ACTN2: variants seen among roughly 807,000 people sequenced by gnomAD.
ACTN2 encodes alpha-actinin-2.
ACTN2 carries 39 observed loss-of-function variants against 113.8 expected under a neutral mutation model. The ratio of observed to expected loss-of-function variants is 0.34; its 90% CI spans 0.27 to 0.45. The LOEUF (loss-of-function observed/expected upper bound fraction) is 0.45. ACTN2 is among the 20% of genes least tolerant of loss of function. The pLI, the probability that ACTN2 is intolerant of heterozygous loss-of-function variation, is 1.00. For missense variants in ACTN2, 992 were observed against 1,177.9 expected (o/e 0.84, Z 2.31); for synonymous variants, 429 against 444.1 (o/e 0.97, Z 0.43).
intron 14 of ACTN2, among the ~76,000 whole-genome samples, chr1:236,751,037 C>T (rs1227079909): frequency 7.1e-6 from 1 of 140,820 alleles, no homozygotes; most frequent in South Asian, 2.3e-4. Context: ...CTGCAGTGAG[C>T]CATGATTGCA....
At chr1:236,693,177 G>GCAAA (rs1553296432) in intron 1 of ACTN2, among the ~76,000 whole-genome samples, 1 of 149,038 alleles carries the variant, frequency 6.7e-6, no homozygotes, top group East Asian at 2.0e-4. Context: ...CTGCACACAT[G>GCAAA]CACACACACA....
Position 236,763,095 on chromosome 1 carries a change from T to C in ACTN2, c.*476T>C, listed in dbSNP as rs919315850. On this transcript the variant is annotated 3_prime_UTR_variant, in exon 21 of 21. Transcript: ENST00000366578. ...TAGGGGAGTATATTTGGGATTCTAA[T>C]GTTTTATTTTCATGCTTATCCAAAG... 5.6e-6 allele frequency: 1 copy of C among 178,630 alleles called. No homozygotes were observed. The highest frequency in any genetic ancestry group is 1.2e-5 in the Non-Finnish European group (1 of 82,948). 11.1% of individuals were successfully genotyped at this position (178,630 alleles called of 1,614,324 possible). A position where few individuals can be genotyped will look rare whatever the true frequency, so the allele number is the denominator to read the frequency against.
Position 236,718,874 on chromosome 1 carries a change from A to G in ACTN2, c.242-20A>G, listed in dbSNP as rs777728987. 6.2e-7 allele frequency: 1 copy of G among 1,614,126 alleles called. No homozygotes were observed. The highest frequency in any genetic ancestry group is 1.1e-5 in the South Asian group (1 of 91,080). ...AGGTCACTGTCTCTATGTCTGCATG[A>G]TTCTCTTTTCATCCAACAGGGGAAA... On this transcript the variant is annotated intron_variant, in intron 2 of 20. Transcript: ENST00000366578.
chr1:236,721,016 T>TCTGACTCTGG (rs1558233423), intron 4 of ACTN2, among the ~76,000 whole-genome samples: 3 of 46,084 alleles, frequency 6.5e-5, no homozygotes, highest in Non-Finnish European at 1.3e-4. Flanking sequence ...CTGGTTTTTG[T>TCTGACTCTGG]TTTTTGTTTT....
intron 1 of ACTN2, among the ~76,000 whole-genome samples, chr1:236,711,377 G>T (rs1027776423): frequency 2.6e-5 from 4 of 152,088 alleles, no homozygotes; most frequent in African/African-American, 9.7e-5. Flanking sequence ...TTGCGACAGA[G>T]GCTCACTCTG....
intron 1 of ACTN2, among the ~76,000 whole-genome samples, chr1:236,701,935 T>C (rs1657689405): frequency 6.6e-6 from 1 of 152,266 alleles, no homozygotes; most frequent in Middle Eastern, 3.4e-3. Flanking sequence ...AAGAACTTGG[T>C]AGGGAAGCAG....
Position 236,762,494 on chromosome 1 carries a change from C to G in ACTN2, c.2560C>G (p.Leu854Val). Residue 854 changes from leucine to valine, a missense_variant, in exon 21 of 21, where the codon CTG (leucine) becomes GTG (valine). Coordinates refer to ENST00000366578, the MANE Select transcript of ACTN2 (RefSeq NM_001103.4). ...YILAEELRRE[L>V]PPDQAQYCIK... ...CCTGGCGGAGGAGCTGCGTCGGGAG[C>G]TGCCCCCGGATCAGGCCCAGTACTG... 2 of 1,614,162 alleles carry G rather than the reference C, an allele frequency of 1.2e-6. No homozygotes were observed. The highest frequency in any genetic ancestry group is 2.2e-5 in the South Asian group (2 of 91,076).
chr1:236,737,192 A>C lies in ACTN2; in HGVS notation c.854A>C (p.Glu285Ala). 6.2e-7 allele frequency: 1 copy of C among 1,600,726 alleles called. No individual in the cohort carries two copies. The highest frequency in any genetic ancestry group is 8.5e-7 in the Non-Finnish European group (1 of 1,171,526). The part of the protein sequence containing the change: ...VNQENERLME[E>A]YERLASELLE... ...CAAGAGAATGAGAGGCTGATGGAAG[A>C]ATATGAGAGGCTAGCGAGTGAGGTA... The change falls in exon 9 of 21, where the codon GAA becomes GCA. Residue 285 changes from glutamate (E) to alanine (A), a missense_variant. Physicochemically the swap from Glu to Ala is moderately radical, Grantham distance 107. Coordinates refer to ENST00000366578, the MANE Select transcript of ACTN2 (RefSeq NM_001103.4).
At chr1:236,690,062 T>C (rs1000101176) in intron 1 of ACTN2, among the ~76,000 whole-genome samples, 34 of 152,246 alleles carry the variant, frequency 2.2e-4, no homozygotes, top group Non-Finnish European at 2.2e-4. Context: ...GTGTTCTGAT[T>C]GTTTTTAATA....
Position 236,692,894 on chromosome 1 carries a change from G to C in ACTN2, c.126+6095G>C, listed in dbSNP as rs368296842. Among the ~76,000 whole-genome samples, 83 of 152,208 alleles carry C rather than the reference G, an allele frequency of 5.5e-4. 2 individuals are homozygous for C. In the South Asian group the frequency reaches 0.017, roughly 31 times the overall value. On this transcript the variant is annotated intron_variant, in intron 1 of 20. Coordinates refer to ENST00000366578, the MANE Select transcript of ACTN2 (RefSeq NM_001103.4). ...GCACCGCAGTCGGTTGCTGCAGCTGGGAGACACCTACAGAAAAGGCGCAGT... is the reference window on the plus strand; with the variant it reads ...GCACCGCAGTCGGTTGCTGCAGCTGCGAGACACCTACAGAAAAGGCGCAGT...
At chr1:236,690,314 A>G (rs1178442190) in intron 1 of ACTN2, among the ~76,000 whole-genome samples, 5 of 152,192 alleles carry the variant, frequency 3.3e-5, no homozygotes, top group African/African-American at 9.6e-5. Context: ...TTAGAGCACA[A>G]GGTGAAGGCT....
chr1:236,704,071 G>T (rs188015380), intron 1 of ACTN2, among the ~76,000 whole-genome samples: 1 of 152,104 alleles, frequency 6.6e-6, no homozygotes, highest in African/African-American at 2.4e-5. Context: ...GGATGCATAC[G>T]GAGTTTTAAA....
At chr1:236,740,352 G>A (rs999039674) in intron 10 of ACTN2, among the ~76,000 whole-genome samples, 1 of 151,306 alleles carries the variant, frequency 6.6e-6, no homozygotes, top group Non-Finnish European at 1.5e-5. Flanking sequence ...GACCTCAGGT[G>A]ATCCGCCCGC....
chr1:236,734,328 G>T (rs1018101936), intron 7 of ACTN2: 9 of 729,974 alleles, frequency 1.2e-5, no homozygotes. Context: ...AGTGTATGGG[G>T]GCGAAGGGGG....
chr1:236,691,013 C>G (rs953249734), intron 1 of ACTN2, among the ~76,000 whole-genome samples: 1 of 148,426 alleles, frequency 6.7e-6, no homozygotes, highest in Non-Finnish European at 1.5e-5. Flanking sequence ...TCTCAGCTCA[C>G]TGCAGTCTCC....
rs57239117 is a variant in ACTN2 at position 236,689,300 on chromosome 1, GATATATATATATATAT to G, written c.126+2525_126+2540del. Among the ~76,000 whole-genome samples the G allele has an allele frequency of 4.5e-3, 547 of 122,584 alleles. 7 individuals carry two copies. The highest frequency in any genetic ancestry group is 7.9e-3 in the Middle Eastern group (2 of 254). The allele number at this position is 122,584 out of a possible 152,430, so 80.4% of individuals were successfully genotyped here. On this transcript the variant is annotated intron_variant, in intron 1 of 20. Transcript: ENST00000366578. Reference sequence around the variant, plus strand: ...AAAATGCCTGCAGTATTACAGATGTGATATATATATATATATATATATATATATATATATATATACA... The same window carrying G: ...AAAATGCCTGCAGTATTACAGATGTGATATATATATATATATATATATACA...
At position 236,737,207 on chromosome 1, in the gene ACTN2, C is replaced by T. The variant is rs1658905815; in HGVS notation, c.869C>T (p.Ala290Val). 4.4e-6 allele frequency: 7 copies of T among 1,588,874 alleles called. No homozygotes were observed. Among genetic ancestry groups the T allele is most frequent in the South Asian group, 1.1e-5 (1 of 90,664 alleles). ...CTGATGGAAGAATATGAGAGGCTAG[C>T]GAGTGAGGTAAAGGAAACTGGTGAC... The part of the protein sequence containing the change: ...ERLMEEYERL[A>V]SELLEWIRRT... Residue 290 changes from alanine (A) to valine (V), a missense_variant, in exon 9 of 21, where the codon GCG (alanine) becomes GTG (valine). Transcript: ENST00000366578.
chr1:236,751,340 C>G (rs1350511791), intron 14 of ACTN2, 130 bp from the exon 15 acceptor site: 16 of 1,152,574 alleles, frequency 1.4e-5, no homozygotes, highest in Non-Finnish European at 1.9e-5. Flanking sequence ...CTAAAGCATT[C>G]AGAATGTGTT....
intron 1 of ACTN2, among the ~76,000 whole-genome samples, chr1:236,716,796 T>C (rs1448675195): frequency 6.6e-6 from 1 of 151,100 alleles, no homozygotes; most frequent in African/African-American, 2.4e-5. Context: ...TGCTACACAA[T>C]ATCACCCACC....
Sources: gnomAD v4.1 joint callset for allele counts (sites outside exome capture counted in the v4.1 genomes callset) on GRCh38, gnomAD v4.1.1 for gene constraint, MANE v1.5 for transcripts, NCBI Gene and HGNC (gene_info 2026-07-23, HGNC 2026-07-21) for gene names.